The following BCAT2 variants were observed in gnomAD, a reference collection of about 807,000 sequenced individuals.
The protein encoded by BCAT2 is branched chain amino acid transaminase 2, also known as branched-chain-amino-acid aminotransferase, mitochondrial.
A neutral mutation model predicts 52.9 loss-of-function variants in BCAT2; 44 were observed. The observed-to-expected ratio is 0.83, with a 90% CI of 0.65 to 1.07. The LOEUF is 1.07. Among genes scored for constraint, BCAT2 ranks in the 50% least tolerant of loss-of-function variants. BCAT2 has a pLI of 0.00. For missense variants in BCAT2, 478 were observed against 521.8 expected (o/e 0.92, Z 0.82); for synonymous variants, 215 against 217.1 (o/e 0.99, Z 0.08).
chr19:48,808,732 G>A (rs749936726), intron 1 of BCAT2, among the ~76,000 whole-genome samples: 1 of 151,998 alleles, frequency 6.6e-6, no homozygotes, highest in Non-Finnish European at 1.5e-5. Flanking sequence ...TCCAGCCTGG[G>A]CGACAGAGCA....
chr19:48,806,462 G>A, intron 3 of BCAT2, 55 bp downstream of exon 3: 1 of 1,593,612 alleles, frequency 6.3e-7, no homozygotes, highest in South Asian at 1.1e-5. Context: ...AAGAGACACA[G>A]CAAGGAGGAG....
Position 48,799,567 on chromosome 19 carries a change from T to A in BCAT2, c.695+108A>T. 1 of 1,364,114 alleles carries A rather than the reference T, an allele frequency of 7.3e-7. No homozygotes were observed. Among genetic ancestry groups the A allele is most frequent in the South Asian group, 1.6e-5 (1 of 63,872 alleles). 84.5% of individuals were successfully genotyped at this position (1,364,114 alleles called of 1,614,324 possible). A position where few individuals can be genotyped will look rare whatever the true frequency, so the allele number is the denominator to read the frequency against. On this transcript the variant is annotated intron_variant, in intron 6 of 10. Transcript: ENST00000316273. The surrounding 1 kb of genome is among the most constrained non-coding windows in gnomAD (Gnocchi z 5.5). ...ACTGAGCCCTGCACGGTGCTGATGA[T>A]GTCACCTTCATGTGACATCCAGAGG...
At chr19:48,796,758 T>A in intron 8 of BCAT2, 40 bp from the exon 9 acceptor site, 2 of 1,597,608 alleles carry the variant, frequency 1.3e-6, no homozygotes, top group Non-Finnish European at 1.7e-6. Flanking sequence ...CCCAGAGGGT[T>A]GCCCTGCTGC....
At chr19:48,810,616 C>T (rs1446072812) in intron 1 of BCAT2, among the ~76,000 whole-genome samples, 2 of 152,112 alleles carry the variant, frequency 1.3e-5, no homozygotes, top group African/African-American at 2.4e-5. Context: ...GAGGTCTGGG[C>T]CCCTTTATTC....
chr19:48,801,142 C>T (rs2034648834), intron 3 of BCAT2, among the ~76,000 whole-genome samples: 2 of 151,988 alleles, frequency 1.3e-5, no homozygotes, highest in African/African-American at 2.4e-5. Flanking sequence ...CGCCCACCAC[C>T]ACGCCCAGCT....
chr19:48,796,693 G>GTGCT lies in BCAT2; in HGVS notation c.949_950insAGCA (p.Thr317LysfsTer52), dbSNP rs1406248639. 4.3e-6 allele frequency: 7 copies of GTGCT among 1,612,670 alleles called. No homozygotes were observed. The highest frequency in any genetic ancestry group is 5.9e-6 in the Non-Finnish European group (7 of 1,179,922). The stretch of plus-strand genomic sequence containing the variant: ...CCGCAGCAACTGCTTCATGGTGATC[G>GTGCT]TGCGCTCCACCACCCGGAACTCACC... On this transcript the variant is annotated frameshift_variant, in exon 9 of 11. Coordinates refer to ENST00000316273, the MANE Select transcript of BCAT2 (RefSeq NM_001190.4). LOFTEE classifies it high-confidence loss of function.
At chr19:48,803,082 C>T (rs2034691213) in intron 3 of BCAT2, among the ~76,000 whole-genome samples, 1 of 152,154 alleles carries the variant, frequency 6.6e-6, no homozygotes, top group African/African-American at 2.4e-5. Flanking sequence ...GTAGTCCTAG[C>T]CACTCGGGAG....
rs765295680 is a variant in BCAT2, at chr19:48,800,235, C to G, written c.363G>C (p.Trp121Cys). 1.9e-6 allele frequency: 3 copies of G among 1,613,846 alleles called. No individual in the cohort carries two copies. Among genetic ancestry groups the G allele is most frequent in the Non-Finnish European group, 2.5e-6 (3 of 1,180,020 alleles). ...KDQQVRLFRP[W>C]LNMDRMLRSA... ...AGCGCAGCATCCGGTCCATGTTGAG[C>G]CAGGGGCGGAAGAGGCGCACCTGCT... Residue 121 changes from tryptophan to cysteine, a missense_variant, in exon 4 of 11, where the codon TGG becomes TGC. Trp to Cys is a radical substitution (Grantham distance 215). Transcript: ENST00000316273.
At chr19:48,797,054 CCT>C in intron 7 of BCAT2, 32 bp from the exon 8 acceptor site, 2 of 1,612,158 alleles carry the variant, frequency 1.2e-6, no homozygotes, top group Non-Finnish European at 8.5e-7. Flanking sequence ...GAAGATGTTA[CCT>C]CTCACCCCCT....
chr19:48,795,508 C>A (rs1228988336), intron 10 of BCAT2, 44 bp from the exon 11 acceptor site: 2 of 1,609,794 alleles, frequency 1.2e-6, no homozygotes, highest in Non-Finnish European at 1.7e-6. Context: ...AGCTGCACTA[C>A]AACTCCCAGT....
chr19:48,797,064 C>A (rs768399968), intron 7 of BCAT2, 42 bp from the exon 8 acceptor site: 3 of 1,612,584 alleles, frequency 1.9e-6, no homozygotes, highest in South Asian at 1.1e-5. Flanking sequence ...CCTCTCACCC[C>A]CTAGCACCGC....
intron 3 of BCAT2, among the ~76,000 whole-genome samples, chr19:48,801,467 AT>A (rs1188121789): frequency 6.6e-6 from 1 of 152,096 alleles, no homozygotes; most frequent in African/African-American, 2.4e-5. Context: ...GAATAATGGA[AT>A]AGATAACCAA....
chr19:48,802,916 G>T (rs1393352246), intron 3 of BCAT2, among the ~76,000 whole-genome samples: 8 of 152,200 alleles, frequency 5.3e-5, no homozygotes, highest in Non-Finnish European at 7.4e-5. Flanking sequence ...GAATTTCCAG[G>T]CCCAGTATGA....
rs1286306178 is a variant in BCAT2, at chr19:48,795,451, G to T, written c.1154C>A (p.Ala385Asp). The change falls in exon 11 of 11, where the codon GCC becomes GAC. Residue 385 changes from alanine to aspartate, a missense_variant. By Grantham distance (126) the Ala-to-Asp change is moderately radical (BLOSUM62 -2). Transcript: ENST00000316273. ...ELKEIQYGIR[A>D]HEWMFPV ...TCACACCGGGAACATCCACTCGTGG[G>T]CTCTGATTCCGTACTGCGGAACAAC... 1 of 1,613,988 alleles carries T rather than the reference G, an allele frequency of 6.2e-7. No homozygotes were observed. The highest frequency in any genetic ancestry group is 1.7e-5 in the Admixed American group (1 of 60,008).
chr19:48,799,689 G>A lies in BCAT2; in HGVS notation c.681C>T (p.Asn227=). The A allele has an allele frequency of 6.3e-7, 1 of 1,585,090 alleles. No individual in the cohort carries two copies. The highest frequency in any genetic ancestry group is 8.6e-7 in the Non-Finnish European group (1 of 1,169,416). The part of the protein sequence containing the change: ...FIRAWVGGVG[N]YKLGGNYGPT... ...GTGCTACTTACCCACCTAACTTGTAGTTGCCGACCCCGCCCACCCAGGCCC... is the reference window on the plus strand; with the variant it reads ...GTGCTACTTACCCACCTAACTTGTAATTGCCGACCCCGCCCACCCAGGCCC... The change falls in exon 6 of 11, where the codon AAC becomes AAT. Residue 227 remains asparagine, a synonymous_variant. Coordinates refer to ENST00000316273, the MANE Select transcript of BCAT2 (RefSeq NM_001190.4). The surrounding 1 kb of genome is among the most constrained non-coding windows in gnomAD (Gnocchi z 5.5).
intron 3 of BCAT2, among the ~76,000 whole-genome samples, chr19:48,801,761 C>A (rs1271561604): frequency 6.6e-6 from 1 of 152,002 alleles, no homozygotes; most frequent in East Asian, 1.9e-4. Context: ...CTCAACCTCC[C>A]AAGTAGCTGG....
At chr19:48,802,583 G>T (rs919892446) in intron 3 of BCAT2, among the ~76,000 whole-genome samples, 1 of 151,426 alleles carries the variant, frequency 6.6e-6, no homozygotes. Flanking sequence ...GAGTACCTGG[G>T]ATTACAGGCA....
At position 48,795,216 on chromosome 19, in the gene BCAT2, G is replaced by C. The variant is rs1004660594; in HGVS notation, c.*210C>G. ...ACGACAAGGAGTAATGGGCGGACCT[G>C]AACCCGCGACGAGGGGCTGGGGGCC... On this transcript the variant is annotated 3_prime_UTR_variant, in exon 11 of 11. Transcript: ENST00000316273. 1.6e-6 allele frequency: 1 copy of C among 636,212 alleles called. No homozygotes were observed. The highest frequency in any genetic ancestry group is 1.8e-5 in the African/African-American group (1 of 55,034). The allele number at this position is 636,212 out of a possible 1,614,324, so 39.4% of individuals were successfully genotyped here. A position where few individuals can be genotyped will look rare whatever the true frequency, so the allele number is the denominator to read the frequency against.
At chr19:48,806,963 C>G (rs765959440) in intron 2 of BCAT2, 37 bp downstream of exon 2, 3 of 1,603,916 alleles carry the variant, frequency 1.9e-6, no homozygotes, top group Non-Finnish European at 2.6e-6. Flanking sequence ...CAGCCCCCTC[C>G]TCTCTCAGAG....
Sources: gnomAD v4.1 joint callset for allele counts (sites outside exome capture counted in the v4.1 genomes callset) on GRCh38, gnomAD v4.1.1 for gene constraint, Gnocchi (gnomAD v3.1) non-coding constraint, MANE v1.5 for transcripts, NCBI Gene and HGNC (gene_info 2026-07-23, HGNC 2026-07-21) for gene names.